Variants in HPSE2 observed in about 807,000 individuals in gnomAD.
HPSE2 encodes the protein inactive heparanase-2.
A neutral mutation model predicts 60.5 loss-of-function variants in HPSE2; 38 were observed. That is an observed-to-expected ratio of 0.63 (90% CI 0.48 to 0.82). The LOEUF is 0.82. Among genes scored for constraint, HPSE2 ranks in the 40% least tolerant of loss-of-function variants. HPSE2 has a pLI of 0.00. For synonymous variants in HPSE2, 295 were observed against 293.2 expected (o/e 1.01, Z -0.06); for missense variants, 713 against 740.4 (o/e 0.96, Z 0.43).
chr10:98,846,689 CT>C lies in HPSE2; in HGVS notation c.611-102634del, dbSNP rs1276999168. Reference sequence around the variant, plus strand: ...TAAACAAACAAATAAACAAATGCTTCTTTTAAATGAGCTTTACTAAGACAGC... The same window carrying C: ...TAAACAAACAAATAAACAAATGCTTCTTTAAATGAGCTTTACTAAGACAGC... On this transcript the variant is annotated intron_variant, in intron 3 of 11. Coordinates refer to ENST00000370552, the MANE Select transcript of HPSE2 (RefSeq NM_021828.5). 2.0e-5 allele frequency among the ~76,000 whole-genome samples: 3 copies of C among 152,328 alleles called. No homozygotes were observed. In the South Asian group the frequency reaches 6.2e-4, roughly 32 times the overall value.
chr10:98,593,168 A>G (rs180695752), intron 9 of HPSE2, among the ~76,000 whole-genome samples: 1 of 152,346 alleles, frequency 6.6e-6, no homozygotes, highest in East Asian at 1.9e-4. Flanking sequence ...TATTTAAACT[A>G]TGATAGAAGG....
chr10:98,482,588 C>T, intron 11 of HPSE2, 48 bp downstream of exon 11: 1 of 1,612,148 alleles, frequency 6.2e-7, no homozygotes, highest in Non-Finnish European at 8.5e-7. Context: ...CCCCCTCCCT[C>T]AGCTCCTGCT....
intron 2 of HPSE2, among the ~76,000 whole-genome samples, chr10:99,184,811 TATATATATAGAGAGAGAGAGAGAG>T (rs1359600062): frequency 0.01 from 390 of 37,850 alleles, 12 homozygotes; most frequent in Non-Finnish European, 0.018. Context: ...TATATATATA[TATATATATAGAGAGAGAGAGAGAG>T]AGAGAGAGAG....
intron 3 of HPSE2, among the ~76,000 whole-genome samples, chr10:99,081,681 G>A (rs531585203): frequency 2.7e-4 from 41 of 151,756 alleles, no homozygotes; most frequent in African/African-American, 9.2e-4. Flanking sequence ...CTGTCACCCA[G>A]GCTGGAGTGC....
chr10:98,795,019 A>AGAGAAGGAAGGAAG (rs1950744746), intron 3 of HPSE2, among the ~76,000 whole-genome samples: 3 of 56,098 alleles, frequency 5.3e-5, no homozygotes, highest in Non-Finnish European at 9.9e-5. Context: ...AGAGAGAGAG[A>AGAGAAGGAAGGAAG]GAAGGAAGGA....
intron 7 of HPSE2, among the ~76,000 whole-genome samples, chr10:98,638,336 T>C (rs1946553773): frequency 6.7e-6 from 1 of 149,918 alleles, no homozygotes; most frequent in Non-Finnish European, 1.5e-5. Context: ...TCCCAGCTAC[T>C]CGGGAGGCTG....
chr10:98,484,261 T>C (rs940642005), intron 10 of HPSE2, among the ~76,000 whole-genome samples: 3 of 152,172 alleles, frequency 2.0e-5, no homozygotes, highest in African/African-American at 7.2e-5. Context: ...TTCCTTTCTT[T>C]CTTTTTTTCT....
At chr10:99,202,308 T>C (rs1030383532) in intron 2 of HPSE2, among the ~76,000 whole-genome samples, 6 of 152,194 alleles carry the variant, frequency 3.9e-5, no homozygotes, top group African/African-American at 1.4e-4. Flanking sequence ...TATTTGGCTT[T>C]TAAATGTTAT....
chr10:99,309,191 G>C, the HPSE2 span, among the ~76,000 whole-genome samples: 5 of 152,148 alleles, frequency 3.3e-5, no homozygotes, highest in Non-Finnish European at 7.4e-5. Context: ...AGAATGGAGA[G>C]TAACTGTTAA....
At chr10:98,552,544 G>A (rs1943892979) in intron 9 of HPSE2, among the ~76,000 whole-genome samples, 1 of 152,116 alleles carries the variant, frequency 6.6e-6, no homozygotes, top group African/African-American at 2.4e-5. Context: ...AGAATGTATG[G>A]ACCTACAGTA....
intron 3 of HPSE2, among the ~76,000 whole-genome samples, chr10:98,942,198 A>G (rs1955028795): frequency 7.1e-6 from 1 of 140,188 alleles, no homozygotes; most frequent in Non-Finnish European, 1.5e-5. Context: ...AAACACCAAA[A>G]GCAATGGCAA....
chr10:98,744,435 G>A (rs1477031412), intron 3 of HPSE2, among the ~76,000 whole-genome samples: 1 of 152,124 alleles, frequency 6.6e-6, no homozygotes, highest in African/African-American at 2.4e-5. Flanking sequence ...GCTGAGGCAG[G>A]AGAATCGCTT....
At chr10:99,127,165 A>C (rs1845194646) in intron 3 of HPSE2, among the ~76,000 whole-genome samples, 3 of 152,300 alleles carry the variant, frequency 2.0e-5, no homozygotes, top group African/African-American at 7.2e-5. Flanking sequence ...ATTGCCTGAT[A>C]AGCAATTCAG....
At chr10:98,543,263 C>T (rs866791702) in intron 9 of HPSE2, among the ~76,000 whole-genome samples, 2 of 152,082 alleles carry the variant, frequency 1.3e-5, no homozygotes, top group Non-Finnish European at 2.9e-5. Flanking sequence ...AAATACTTTA[C>T]AGACAAGCAA....
At chr10:98,924,973 C>G (rs573364607) in intron 3 of HPSE2, among the ~76,000 whole-genome samples, 1 of 152,262 alleles carries the variant, frequency 6.6e-6, no homozygotes, top group East Asian at 1.9e-4. Context: ...GAGCTCAATA[C>G]AGCTTTATTC....
intron 4 of HPSE2, among the ~76,000 whole-genome samples, chr10:98,734,155 A>G (rs964692814): frequency 6.6e-6 from 1 of 152,152 alleles, no homozygotes; most frequent in Non-Finnish European, 1.5e-5. Flanking sequence ...TAATCTTCTC[A>G]AGGTTCATCC....
intron 2 of HPSE2, among the ~76,000 whole-genome samples, chr10:99,167,043 C>G (rs1348773092): frequency 6.6e-6 from 1 of 151,722 alleles, no homozygotes; most frequent in Non-Finnish European, 1.5e-5. Context: ...CAGAGTCTTG[C>G]TCTGTTGCCC....
chr10:99,162,055 A>G lies in HPSE2; in HGVS notation c.449-17656T>C, dbSNP rs571998846. Among the ~76,000 whole-genome samples, 9 of 152,302 alleles carry G rather than the reference A, an allele frequency of 5.9e-5. No homozygotes were observed. In the South Asian group the frequency reaches 1.9e-3, roughly 32 times the overall value. Reference sequence around the variant, plus strand: ...TGGGTATGAAGAGTTATTTTTTAATAGGTACAGAGTTTAGTTTTGCAATAT... The same window carrying G: ...TGGGTATGAAGAGTTATTTTTTAATGGGTACAGAGTTTAGTTTTGCAATAT... On this transcript the variant is annotated intron_variant, in intron 2 of 11. Coordinates refer to ENST00000370552, the MANE Select transcript of HPSE2 (RefSeq NM_021828.5).
At chr10:98,528,644 A>G (rs1943042088) in intron 9 of HPSE2, among the ~76,000 whole-genome samples, 1 of 152,192 alleles carries the variant, frequency 6.6e-6, no homozygotes, top group African/African-American at 2.4e-5. Flanking sequence ...GGAACTACGG[A>G]AACCTGGACA....
Sources: allele counts gnomAD v4.1 joint callset (sites outside exome capture counted in the v4.1 genomes callset), GRCh38; gene constraint gnomAD v4.1.1; transcripts MANE v1.5; gene names NCBI Gene and HGNC (gene_info 2026-07-23, HGNC 2026-07-21).